Variants in BEND7 observed in about 807,000 individuals in gnomAD.
BEND7 encodes the protein BEN domain containing 7.
BEND7 carries 28 observed loss-of-function variants against 50.9 expected under a neutral mutation model. The observed-to-expected ratio is 0.55, with a 90% CI of 0.41 to 0.75. The LOEUF is 0.75. Ranked by LOEUF, BEND7 falls within the 30% of genes least tolerant of loss-of-function variation. BEND7 has a pLI of 0.00. For synonymous variants in BEND7, 170 were observed against 183.9 expected (o/e 0.92, Z 0.61); for missense variants, 477 against 491.3 (o/e 0.97, Z 0.28).
chr10:13,480,759 C>A, intron 6 of BEND7, 140 bp downstream of exon 6: 2 of 1,479,390 alleles, frequency 1.4e-6, no homozygotes, highest in Admixed American at 2.5e-5. Flanking sequence ...AGCTCACACC[C>A]GAAAGCCATG....
At chr10:13,488,288 T>C (rs1349432647) in intron 5 of BEND7, among the ~76,000 whole-genome samples, 2 of 151,842 alleles carry the variant, frequency 1.3e-5, no homozygotes, top group South Asian at 2.1e-4. Context: ...AATCTGATTG[T>C]TTCACCAAGC....
At chr10:13,458,740 AG>A (rs1203459818) in intron 6 of BEND7, among the ~76,000 whole-genome samples, 1 of 152,224 alleles carries the variant, frequency 6.6e-6, no homozygotes, top group Non-Finnish European at 1.5e-5. Flanking sequence ...CCAGGGGACA[AG>A]CAGAGGGACC....
chr10:13,460,104 G>A (rs963101964), intron 6 of BEND7: 2 of 152,672 alleles, frequency 1.3e-5, no homozygotes, highest in Non-Finnish European at 2.9e-5. Context: ...AAGAGCCAGC[G>A]ATGCTAAAAT....
intron 6 of BEND7, among the ~76,000 whole-genome samples, chr10:13,462,343 G>T (rs531448616): frequency 6.6e-6 from 1 of 152,336 alleles, no homozygotes; most frequent in South Asian, 2.1e-4. Context: ...TGGCAAGCAA[G>T]AGAGCTTGTG....
upstream of BEND7, chr10:13,529,032 G>C (rs959963536): frequency 1.4e-5 from 2 of 145,638 alleles, no homozygotes; most frequent in Admixed American, 6.8e-5. Flanking sequence ...GAGCCGGCCG[G>C]GGCGCTGACC....
intron 5 of BEND7, among the ~76,000 whole-genome samples, chr10:13,483,182 G>A (rs985379516): frequency 2.6e-5 from 4 of 152,114 alleles, no homozygotes; most frequent in African/African-American, 9.7e-5. Context: ...TATAATCTCA[G>A]TTTGATTCTG....
chr10:13,497,024 A>G (rs2077071700), intron 3 of BEND7, 136 bp from the exon 4 acceptor site: 2 of 1,096,758 alleles, frequency 1.8e-6, no homozygotes, highest in African/African-American at 3.2e-5. Context: ...AGCTGTGCCT[A>G]AGGAAAACGT....
intron 2 of BEND7, among the ~76,000 whole-genome samples, chr10:13,507,061 C>T (rs974718672): frequency 6.6e-6 from 1 of 152,148 alleles, no homozygotes; most frequent in Non-Finnish European, 1.5e-5. Context: ...CACGAGTAGG[C>T]TGGCCCCTCT....
intron 6 of BEND7, among the ~76,000 whole-genome samples, chr10:13,457,466 C>T (rs1031150509): frequency 6.6e-6 from 1 of 152,166 alleles, no homozygotes; most frequent in African/African-American, 2.4e-5. Context: ...GGGTCTGTGT[C>T]TAAGATCTTT....
At chr10:13,527,839 T>C in intron 1 of BEND7, 1 of 984,296 alleles carries the variant, frequency 1.0e-6, no homozygotes, top group Non-Finnish European at 1.2e-6. Context: ...GAGTGTGGTG[T>C]ACACCTGTTA....
chr10:13,500,978 A>G, intron 2 of BEND7: 1 of 303,414 alleles, frequency 3.3e-6, no homozygotes, highest in Non-Finnish European at 4.8e-6. Flanking sequence ...TTTTTTTAAG[A>G]TTTTTCTCCC....
At chr10:13,480,249 C>A (rs954281635) in intron 6 of BEND7, among the ~76,000 whole-genome samples, 1 of 152,204 alleles carries the variant, frequency 6.6e-6, no homozygotes, top group Non-Finnish European at 1.5e-5. Flanking sequence ...TGCAGAGGTG[C>A]TCCCACGTGC....
intron 6 of BEND7, chr10:13,480,693 A>C: frequency 1.0e-6 from 1 of 985,338 alleles, no homozygotes; most frequent in East Asian, 1.1e-4. Context: ...TATTTCAACA[A>C]ATTAACATTA....
chr10:13,470,683 G>T (rs1192709016), intron 6 of BEND7, among the ~76,000 whole-genome samples: 1 of 152,216 alleles, frequency 6.6e-6, no homozygotes, highest in Non-Finnish European at 1.5e-5. Context: ...TGATGAAGCG[G>T]TGGTGAAGCG....
Position 13,479,301 on chromosome 10 carries a change from G to A in BEND7, c.1063+1598C>T, listed in dbSNP as rs543745968. On this transcript the variant is annotated intron_variant, in intron 6 of 8. Coordinates refer to ENST00000466271, the MANE Select transcript of BEND7 (RefSeq NM_001369863.1). ...AGGGATTACAGGTTTGAGCCACCGC[G>A]CCTGGCCTGTAATATACTTTTTCAA... is the stretch of plus-strand genomic sequence containing the variant. Among the ~76,000 whole-genome samples, 264 of 152,136 alleles carry A rather than the reference G, an allele frequency of 1.7e-3. 1 individual carries two copies. Among genetic ancestry groups the A allele is most frequent in the African/African-American group, 5.4e-3 (226 of 41,498 alleles).
intron 2 of BEND7, among the ~76,000 whole-genome samples, chr10:13,508,033 C>T (rs1473823945): frequency 6.6e-6 from 1 of 152,184 alleles, no homozygotes; most frequent in Non-Finnish European, 1.5e-5. Flanking sequence ...AAATGGGAGA[C>T]AGGTGGGAGC....
At position 13,447,383 on chromosome 10, in the gene BEND7, T is replaced by C. The variant is rs993730282; in HGVS notation, c.1184-67A>G. ...GGGAGCACATTCATTTTACAGAAAA[T>C]AGTGATGTAATTTTAAAAACTCCAG... On this transcript the variant is annotated intron_variant, in intron 7 of 8. Transcript: ENST00000466271. The C allele has an allele frequency of 1.3e-5, 20 of 1,546,572 alleles. No individual in the cohort carries two copies. In the African/African-American group the frequency reaches 2.6e-4, roughly 20 times the overall value.
Position 13,441,235 on chromosome 10 carries a change from TA to T in BEND7, c.*507del. ...AAGAACATAGTAATTTTAAAAAATC[TA>T]AATATTTACATATTAATAAAACATA... On this transcript the variant is annotated 3_prime_UTR_variant, in exon 9 of 9. Coordinates refer to ENST00000466271, the MANE Select transcript of BEND7 (RefSeq NM_001369863.1). 1.1e-6 allele frequency: 1 copy of T among 911,808 alleles called. No homozygotes were observed. Among genetic ancestry groups the T allele is most frequent in the Non-Finnish European group, 1.3e-6 (1 of 763,014 alleles). The allele number at this position is 911,808 out of a possible 1,614,324, so 56.5% of individuals were successfully genotyped here.
chr10:13,524,309 T>G (rs990399403), intron 2 of BEND7, among the ~76,000 whole-genome samples: 4 of 152,186 alleles, frequency 2.6e-5, no homozygotes, highest in Non-Finnish European at 4.4e-5. Flanking sequence ...AATTCGTTAT[T>G]TCGAATGGCT....
Sources: gnomAD v4.1 joint callset for allele counts (sites outside exome capture counted in the v4.1 genomes callset) on GRCh38, gnomAD v4.1.1 for gene constraint, MANE v1.5 for transcripts, NCBI Gene and HGNC (gene_info 2026-07-23, HGNC 2026-07-21) for gene names.